ZFP69: variants seen among roughly 807,000 people sequenced by gnomAD.
ZFP69 encodes ZFP69 zinc finger protein.
Under a neutral mutation model 48.9 loss-of-function variants are expected in ZFP69, and 35 were observed. That is an observed-to-expected ratio of 0.72 (90% CI 0.55 to 0.95). The LOEUF (loss-of-function observed/expected upper bound fraction) is 0.95, where lower values mean the gene tolerates loss of function less well. Ranked by LOEUF, ZFP69 falls within the 40% of genes least tolerant of loss-of-function variation. ZFP69 has a pLI of 0.00. For synonymous variants in ZFP69, 193 were observed against 216.8 expected (o/e 0.89, Z 0.96); for missense variants, 557 against 638.4 (o/e 0.87, Z 1.37).
chr1:40,491,835 GATA>G (rs1645572797), intron 5 of ZFP69, among the ~76,000 whole-genome samples: 1 of 149,270 alleles, frequency 6.7e-6, no homozygotes. Context: ...ATTCATTCTA[GATA>G]ATAATCCTTG....
At position 40,496,226 on chromosome 1, in the gene ZFP69, A is replaced by G. The variant is rs1370248350; in HGVS notation, c.*167A>G. 3.6e-6 allele frequency: 2 copies of G among 550,882 alleles called. No homozygotes were observed. The highest frequency in any genetic ancestry group is 3.8e-5 in the African/African-American group (2 of 53,212). 34.1% of individuals were successfully genotyped at this position (550,882 alleles called of 1,614,324 possible). ...ACAGGTATTGACTACTAACACCTCT[A>G]AAAAGTACTTAAGATTAAAATCTGG... On this transcript the variant is annotated 3_prime_UTR_variant, in exon 6 of 6. Coordinates refer to ENST00000372706, the MANE Select transcript of ZFP69 (RefSeq NM_001320179.2).
chr1:40,481,443 C>A (rs957786142), intron 2 of ZFP69, among the ~76,000 whole-genome samples: 1 of 152,064 alleles, frequency 6.6e-6, no homozygotes, highest in African/African-American at 2.4e-5. Flanking sequence ...AAAGGAGTGG[C>A]CTGTTAGAGC....
In ZFP69 at chr1:40,495,115, A is replaced by C; in HGVS notation, c.637A>C (p.Ile213Leu). The C allele has an allele frequency of 3.1e-6, 5 of 1,614,130 alleles. No individual in the cohort carries two copies. The highest frequency in any genetic ancestry group is 4.2e-6 in the Non-Finnish European group (5 of 1,180,012). Residue 213 changes from isoleucine to leucine, a missense_variant, in exon 6 of 6, where the codon ATC becomes CTC. Physicochemically the swap from Ile to Leu is conservative, Grantham distance 5. Coordinates refer to ENST00000372706, the MANE Select transcript of ZFP69 (RefSeq NM_001320179.2). Reference sequence around the variant, plus strand: ...TTGTATGAGAGATGTGAGACAAGCCATCTTGACCCATAAGAAGAGAGTCCA... The same window carrying C: ...TTGTATGAGAGATGTGAGACAAGCCCTCTTGACCCATAAGAAGAGAGTCCA... Reference protein sequence around the residue: ...ETCMRDVRQAILTHKKRVQET... With the variant: ...ETCMRDVRQALLTHKKRVQET...
At position 40,496,229 on chromosome 1, in the gene ZFP69, A is replaced by G. The variant is rs1645634366; in HGVS notation, c.*170A>G. 3 of 529,870 alleles carry G rather than the reference A, an allele frequency of 5.7e-6. No individual in the cohort carries two copies. The allele number at this position is 529,870 out of a possible 1,614,324, so 32.8% of individuals were successfully genotyped here. A position where few individuals can be genotyped will look rare whatever the true frequency, so the allele number is the denominator to read the frequency against. On this transcript the variant is annotated 3_prime_UTR_variant, in exon 6 of 6. Transcript: ENST00000372706. ...GGTATTGACTACTAACACCTCTAAA[A>G]AGTACTTAAGATTAAAATCTGGTCC...
chr1:40,486,633 G>A (rs1339423572), intron 3 of ZFP69, among the ~76,000 whole-genome samples: 3 of 151,650 alleles, frequency 2.0e-5, no homozygotes, highest in Admixed American at 2.0e-4. Context: ...TGTTGCCTAG[G>A]CTGGTCTCAA....
In ZFP69 at chr1:40,496,008, T is replaced by TA. The variant is rs752953819; in HGVS notation, c.1531dup (p.Ser511LysfsTer5). ...AAGCCTTCAGCTATAACTCTTCACT[T>TA]AGTCGACATCATGAAATACACAGGA... is the stretch of plus-strand genomic sequence containing the variant. On this transcript the variant is annotated frameshift_variant, in exon 6 of 6. Transcript: ENST00000372706. LOFTEE classifies it high-confidence loss of function. 6.2e-6 allele frequency: 10 copies of TA among 1,611,910 alleles called. No individual in the cohort carries two copies. In the South Asian group the frequency reaches 9.9e-5, roughly 16 times the overall value.
intron 3 of ZFP69, among the ~76,000 whole-genome samples, chr1:40,486,063 C>T (rs535296149): frequency 3.6e-4 from 55 of 151,926 alleles, no homozygotes; most frequent in Non-Finnish European, 7.4e-4. Context: ...ACTACCACAC[C>T]CGCCTTATTT....
At chr1:40,490,026 C>T (rs958170390) in intron 5 of ZFP69, among the ~76,000 whole-genome samples, 4 of 151,950 alleles carry the variant, frequency 2.6e-5, no homozygotes, top group African/African-American at 4.8e-5. Context: ...TGCGCCACCA[C>T]GCTCAGCTAA....
intron 3 of ZFP69, among the ~76,000 whole-genome samples, chr1:40,485,887 A>G (rs768975617): frequency 6.6e-6 from 1 of 151,898 alleles, no homozygotes; most frequent in African/African-American, 2.4e-5. Context: ...TCTGATGTGC[A>G]TAGGTGTGAT....
At chr1:40,483,772 C>G (rs1429015629) in intron 3 of ZFP69, among the ~76,000 whole-genome samples, 2 of 152,088 alleles carry the variant, frequency 1.3e-5, no homozygotes, top group African/African-American at 4.8e-5. Flanking sequence ...TTTGAGGACA[C>G]TGAGATTGTA....
intron 3 of ZFP69, among the ~76,000 whole-genome samples, chr1:40,485,864 A>T (rs1045493704): frequency 2.6e-5 from 4 of 152,074 alleles, no homozygotes; most frequent in Admixed American, 6.6e-5. Context: ...TATCTGTTTT[A>T]TATCAACTTT....
intron 2 of ZFP69, 81 bp downstream of exon 2, chr1:40,479,569 G>A (rs1645424353): frequency 6.9e-7 from 1 of 1,446,758 alleles, no homozygotes; most frequent in Non-Finnish European, 9.2e-7. Context: ...TTGAAGTGGA[G>A]AGAAGGAGGG....
Position 40,479,199 on chromosome 1 carries a change from T to A in ZFP69, c.-163T>A, listed in dbSNP as rs1163053072. The A allele has an allele frequency of 4.9e-6, 4 of 813,100 alleles. No individual in the cohort carries two copies. In the East Asian group the frequency reaches 1.1e-4, roughly 22 times the overall value. The allele number at this position is 813,100 out of a possible 1,614,324, so 50.4% of individuals were successfully genotyped here. On this transcript the variant is annotated 5_prime_UTR_variant, in exon 2 of 6. Transcript: ENST00000372706. ...GTTTTCCAGAATTGTTAAAGTCACA[T>A]CAGTCTCTAGGAACCCCCAGGTCCT...
chr1:40,489,029 C>G, intron 3 of ZFP69, 59 bp from the exon 4 acceptor site: 1 of 1,606,694 alleles, frequency 6.2e-7, no homozygotes, highest in Non-Finnish European at 8.5e-7. Flanking sequence ...ACTGTCAGAA[C>G]TCCTTGGAAC....
rs2124435951 is a variant in ZFP69, at chr1:40,477,810, G to T, written c.-411G>T. The T allele has an allele frequency of 6.6e-6, 1 of 152,432 alleles. No individual in the cohort carries two copies. Among genetic ancestry groups the T allele is most frequent in the East Asian group, 1.9e-4 (1 of 5,168 alleles). 9.4% of individuals were successfully genotyped at this position (152,432 alleles called of 1,614,324 possible). A position where few individuals can be genotyped will look rare whatever the true frequency, so the allele number is the denominator to read the frequency against. ...TGTTACCACTCAGTCCGTCTCTAAAGAGACACTCTTTACCGCTGAAAACCT... is the reference window on the plus strand; with the variant it reads ...TGTTACCACTCAGTCCGTCTCTAAATAGACACTCTTTACCGCTGAAAACCT... On this transcript the variant is annotated 5_prime_UTR_variant, in exon 1 of 6. Transcript: ENST00000372706. The surrounding 1 kb of genome is among the most constrained non-coding windows in gnomAD (Gnocchi z 4.0).
At chr1:40,485,017 C>T (rs530402123) in intron 3 of ZFP69, among the ~76,000 whole-genome samples, 27 of 149,406 alleles carry the variant, frequency 1.8e-4, no homozygotes, top group Admixed American at 1.5e-3. Context: ...CTCAGCCTCT[C>T]GAGTAGCTGG....
intron 2 of ZFP69, 146 bp from the exon 3 acceptor site, chr1:40,481,617 G>A: frequency 1.8e-6 from 1 of 544,764 alleles, no homozygotes. Flanking sequence ...TCACTAAGGA[G>A]GCTTCAGGCT....
Position 40,491,798 on chromosome 1 carries a change from TATTC to T in ZFP69, c.442+2179_442+2182del, listed in dbSNP as rs1645572410. Reference sequence around the variant, plus strand: ...GTGTGTGTGTGTGTATATATATATATATTCATTCTAGTATAATTATACATATATT... The same window carrying T: ...GTGTGTGTGTGTGTATATATATATATATTCTAGTATAATTATACATATATT... On this transcript the variant is annotated intron_variant, in intron 5 of 5. Coordinates refer to ENST00000372706, the MANE Select transcript of ZFP69 (RefSeq NM_001320179.2). 5.9e-5 allele frequency among the ~76,000 whole-genome samples: 9 copies of T among 151,646 alleles called. No homozygotes were observed. The South Asian group carries it at 1.9e-3, about 31-fold the overall frequency.
intron 3 of ZFP69, among the ~76,000 whole-genome samples, chr1:40,484,079 A>C (rs974121662): frequency 6.6e-6 from 1 of 152,196 alleles, no homozygotes; most frequent in Non-Finnish European, 1.5e-5. Flanking sequence ...CCGTCTCAAA[A>C]AAAATAAATA....
Sources: allele counts gnomAD v4.1 joint callset (sites outside exome capture counted in the v4.1 genomes callset), GRCh38; gene constraint gnomAD v4.1.1; non-coding constraint Gnocchi (gnomAD v3.1); transcripts MANE v1.5; gene names NCBI Gene and HGNC (gene_info 2026-07-23, HGNC 2026-07-21).